SOX5: variants seen among roughly 807,000 people sequenced by gnomAD.
The protein encoded by SOX5 is SRY-box transcription factor 5.
In SOX5, 9 loss-of-function variants were observed where a neutral mutation model predicts 92.0. That is an observed-to-expected ratio of 0.10 (90% CI 0.06 to 0.17). The LOEUF is 0.17. Among genes scored for constraint, SOX5 ranks in the 10% least tolerant of loss-of-function variants. SOX5 has a pLI of 1.00. For missense variants in SOX5, 642 were observed against 944.5 expected (o/e 0.68, Z 4.20); for synonymous variants, 344 against 336.3 (o/e 1.02, Z -0.25).
chr12:23,769,431 T>C (rs1237759710), intron 3 of SOX5, among the ~76,000 whole-genome samples: 2 of 152,062 alleles, frequency 1.3e-5, no homozygotes, highest in Non-Finnish European at 2.9e-5. Context: ...TAGTTCTCTA[T>C]GGGGCTACTA....
intron 2 of SOX5, among the ~76,000 whole-genome samples, chr12:24,330,613 C>T (rs1951196325): frequency 1.3e-5 from 2 of 152,192 alleles, no homozygotes; most frequent in Non-Finnish European, 2.9e-5. Flanking sequence ...TCTACCAGGC[C>T]CCACTTAAAC....
At chr12:24,130,911 G>C (rs1344700231) in intron 4 of SOX5, among the ~76,000 whole-genome samples, 1 of 152,004 alleles carries the variant, frequency 6.6e-6, no homozygotes, top group Non-Finnish European at 1.5e-5. Context: ...TTCCTACCTA[G>C]GACATCTAAC....
At chr12:24,204,016 T>A (rs1205067778) in intron 4 of SOX5, among the ~76,000 whole-genome samples, 1 of 152,106 alleles carries the variant, frequency 6.6e-6, no homozygotes, top group Non-Finnish European at 1.5e-5. Context: ...TAAATGTCAC[T>A]CCCTATCACC....
chr12:24,130,651 T>A (rs923620776), intron 4 of SOX5, among the ~76,000 whole-genome samples: 3 of 152,116 alleles, frequency 2.0e-5, no homozygotes, highest in Admixed American at 6.6e-5. Context: ...GGAGACAGGG[T>A]CCAGCACCTT....
chr12:23,642,267 C>G (rs1296988149), intron 7 of SOX5, among the ~76,000 whole-genome samples: 1 of 152,086 alleles, frequency 6.6e-6, no homozygotes, highest in Admixed American at 6.5e-5. Flanking sequence ...CTGGATCTAC[C>G]TCTCTGGATC....
intron 2 of SOX5, among the ~76,000 whole-genome samples, chr12:24,302,883 A>C (rs897836430): frequency 2.6e-5 from 4 of 152,164 alleles, no homozygotes; most frequent in African/African-American, 9.7e-5. Context: ...AGAGTGGGGA[A>C]AATGAAATTG....
intron 2 of SOX5, among the ~76,000 whole-genome samples, chr12:23,866,216 CAT>C (rs1315207513): frequency 6.6e-6 from 1 of 151,946 alleles, no homozygotes; most frequent in Admixed American, 6.6e-5. Flanking sequence ...GCTATACACA[CAT>C]ATGCATATAC....
At chr12:24,098,613 A>G (rs1345467493) in intron 4 of SOX5, among the ~76,000 whole-genome samples, 1 of 152,174 alleles carries the variant, frequency 6.6e-6, no homozygotes, top group Non-Finnish European at 1.5e-5. Context: ...TGAATATCAG[A>G]ATAAATCTAG....
intron 2 of SOX5, among the ~76,000 whole-genome samples, chr12:23,860,970 A>C (rs1200468804): frequency 6.7e-6 from 1 of 148,766 alleles, no homozygotes; most frequent in Admixed American, 6.7e-5. Flanking sequence ...AAAAAAAAAA[A>C]AAAAAAAACC....
At chr12:24,217,883 T>A (rs76135511) in intron 3 of SOX5, among the ~76,000 whole-genome samples, 1,752 of 152,296 alleles carry the variant, frequency 0.012, 35 homozygotes, top group African/African-American at 0.04. Context: ...TGATGCTCAA[T>A]ATCATTATCC....
chr12:23,642,108 AGTT>A (rs1409756943), intron 7 of SOX5, among the ~76,000 whole-genome samples: 9 of 152,130 alleles, frequency 5.9e-5, no homozygotes, highest in South Asian at 2.1e-4. Flanking sequence ...TATATTTATC[AGTT>A]GTTGTAATTT....
At chr12:23,913,794 T>G (rs1015288273) in intron 1 of SOX5, among the ~76,000 whole-genome samples, 4 of 151,566 alleles carry the variant, frequency 2.6e-5, no homozygotes, top group African/African-American at 9.7e-5. Context: ...AATTCATTAC[T>G]AATATTTACG....
chr12:24,213,114 G>T (rs1486909484), intron 4 of SOX5, among the ~76,000 whole-genome samples: 4 of 152,118 alleles, frequency 2.6e-5, no homozygotes, highest in Non-Finnish European at 4.4e-5. Context: ...TGTAACTTAT[G>T]TAAGATTTTG....
chr12:23,682,230 T>A (rs2086741531), intron 6 of SOX5, among the ~76,000 whole-genome samples: 1 of 151,804 alleles, frequency 6.6e-6, no homozygotes, highest in Non-Finnish European at 1.5e-5. Flanking sequence ...TGTACAAAAA[T>A]ATGATGATAG....
chr12:24,352,840 C>T (rs571540046), intron 2 of SOX5, among the ~76,000 whole-genome samples: 1 of 152,236 alleles, frequency 6.6e-6, no homozygotes, highest in South Asian at 2.1e-4. Flanking sequence ...ATTGCACACT[C>T]CAGTGGTGAA....
chr12:24,160,353 A>T (rs1252448740), intron 4 of SOX5, among the ~76,000 whole-genome samples: 2 of 152,064 alleles, frequency 1.3e-5, no homozygotes, highest in Non-Finnish European at 2.9e-5. Flanking sequence ...AGCCTGATGT[A>T]CTAAAAGAAG....
At chr12:23,729,283 C>T (rs1194806316) in intron 6 of SOX5, among the ~76,000 whole-genome samples, 1 of 152,154 alleles carries the variant, frequency 6.6e-6, no homozygotes, top group Non-Finnish European at 1.5e-5. Context: ...TTCTCAAGAT[C>T]ACACGGCAGA....
At chr12:24,524,246 AC>A (rs1385076173) in intron 1 of SOX5, among the ~76,000 whole-genome samples, 2 of 152,200 alleles carry the variant, frequency 1.3e-5, no homozygotes, top group Admixed American at 1.3e-4. Flanking sequence ...AAGCCATGCT[AC>A]CAGCACCTCA....
intron 4 of SOX5, among the ~76,000 whole-genome samples, chr12:23,994,643 T>C (rs1950869685): frequency 6.6e-6 from 1 of 152,062 alleles, no homozygotes. Context: ...CACATGAGCA[T>C]GGTGGGGGCC....
Sources: gnomAD v4.1 joint callset for allele counts (sites outside exome capture counted in the v4.1 genomes callset) on GRCh38, gnomAD v4.1.1 for gene constraint, MANE v1.5 for transcripts, NCBI Gene and HGNC (gene_info 2026-07-23, HGNC 2026-07-21) for gene names.